The following ADAMTSL3 variants were observed in gnomAD, a reference collection of about 807,000 sequenced individuals.
The protein encoded by ADAMTSL3 is ADAMTS-like protein 3.
ADAMTSL3 carries 128 observed loss-of-function variants against 201.7 expected under a neutral mutation model. The ratio of observed to expected loss-of-function variants is 0.63; its 90% confidence interval spans 0.55 to 0.73. The LOEUF (loss-of-function observed/expected upper bound fraction) is 0.73. ADAMTSL3 is among the 30% of genes least tolerant of loss of function. The probability of loss-of-function intolerance (pLI) is 0.00; values close to 1 mark genes in which losing one functional copy is unlikely to be tolerated. For synonymous variants in ADAMTSL3, 738 were observed against 748.4 expected (o/e 0.99, Z 0.23); for missense variants, 1,990 against 2,119.6 (o/e 0.94, Z 1.20).
chr15:83,806,300 C>T (rs1171934263), intron 5 of ADAMTSL3, among the ~76,000 whole-genome samples: 1 of 152,152 alleles, frequency 6.6e-6, no homozygotes, highest in Non-Finnish European at 1.5e-5. Context: ...CCTGGTGGCC[C>T]TTTCTCTGGC....
At chr15:84,001,710 C>T (rs1250180835) in intron 23 of ADAMTSL3, among the ~76,000 whole-genome samples, 1 of 152,196 alleles carries the variant, frequency 6.6e-6, no homozygotes, top group Non-Finnish European at 1.5e-5. Context: ...GCAACAGGCT[C>T]AACCTCCAGG....
At chr15:83,984,407 T>C (rs980552614) in intron 21 of ADAMTSL3, among the ~76,000 whole-genome samples, 1 of 152,216 alleles carries the variant, frequency 6.6e-6, no homozygotes, top group Non-Finnish European at 1.5e-5. Flanking sequence ...TTAGGCTATA[T>C]CTTAAAAAGG....
chr15:83,942,457 G>A, intron 17 of ADAMTSL3, 139 bp from the exon 18 acceptor site: 1 of 677,714 alleles, frequency 1.5e-6, no homozygotes, highest in Non-Finnish European at 2.4e-6. Flanking sequence ...TATATTGATG[G>A]AGATGCTGTG....
Position 83,820,039 on chromosome 15 carries a change from A to T in ADAMTSL3, c.592A>T (p.Ile198Phe). 6.2e-7 allele frequency: 1 copy of T among 1,613,948 alleles called. No individual in the cohort carries two copies. Among genetic ancestry groups the T allele is most frequent in the Non-Finnish European group, 8.5e-7 (1 of 1,179,834 alleles). Residue 198 changes from isoleucine (I) to phenylalanine (F), a missense_variant, in exon 6 of 30, where the codon ATC becomes TTC. Ile to Phe is a conservative substitution (Grantham distance 21). Transcript: ENST00000286744. ...CTCCTTGGACATGTGTATCAGTGGC[A>T]TCTGTCAGGTAAGCACACTTACCTC... The part of the protein sequence containing the change: ...TDSLDMCISG[I>F]CQAVGCDRQL...
intron 17 of ADAMTSL3, among the ~76,000 whole-genome samples, chr15:83,937,885 A>G (rs569870757): frequency 1.9e-4 from 28 of 151,070 alleles, no homozygotes; most frequent in Non-Finnish European, 3.4e-4. Flanking sequence ...AACTTACTAG[A>G]AAGATGCTAA....
intron 3 of ADAMTSL3, among the ~76,000 whole-genome samples, chr15:83,741,909 G>C (rs925219162): frequency 6.6e-6 from 1 of 152,112 alleles, no homozygotes; most frequent in Non-Finnish European, 1.5e-5. Context: ...GCTGCAGTGA[G>C]CCATGATCAT....
intron 4 of ADAMTSL3, among the ~76,000 whole-genome samples, chr15:83,789,095 G>A (rs898870331): frequency 6.6e-6 from 1 of 152,146 alleles, no homozygotes; most frequent in African/African-American, 2.4e-5. Flanking sequence ...ACAGGCATGA[G>A]CCACCACACC....
At chr15:83,954,594 A>C (rs1175891877) in intron 19 of ADAMTSL3, among the ~76,000 whole-genome samples, 4 of 152,102 alleles carry the variant, frequency 2.6e-5, no homozygotes, top group East Asian at 1.9e-4. Flanking sequence ...GGCATTGAAT[A>C]ATTATGTATT....
intron 3 of ADAMTSL3, among the ~76,000 whole-genome samples, chr15:83,704,974 G>GTA (rs1299391059): frequency 1.3e-5 from 2 of 151,420 alleles, no homozygotes; most frequent in African/African-American, 4.9e-5. Flanking sequence ...GAGTGTGTGT[G>GTA]TGTGTGTGTG....
chr15:83,945,341 C>T (rs547619910), intron 19 of ADAMTSL3, among the ~76,000 whole-genome samples: 80 of 152,268 alleles, frequency 5.3e-4, no homozygotes, highest in African/African-American at 1.9e-3. Flanking sequence ...GGTGAGACCA[C>T]CACCCCAAAG....
chr15:83,708,088 G>A (rs2061878530), intron 3 of ADAMTSL3, among the ~76,000 whole-genome samples: 1 of 152,180 alleles, frequency 6.6e-6, no homozygotes, highest in Non-Finnish European at 1.5e-5. Context: ...GGTGGCATGG[G>A]TACCTACCTG....
chr15:83,963,389 T>A (rs2067010653), intron 19 of ADAMTSL3, among the ~76,000 whole-genome samples: 1 of 152,160 alleles, frequency 6.6e-6, no homozygotes, highest in Non-Finnish European at 1.5e-5. Context: ...ACAAAGCCTC[T>A]GGGAAGTTCA....
At chr15:83,688,221 C>T (rs1265268079) in intron 2 of ADAMTSL3, among the ~76,000 whole-genome samples, 1 of 152,194 alleles carries the variant, frequency 6.6e-6, no homozygotes, top group African/African-American at 2.4e-5. Context: ...GAGACATATA[C>T]TTAATCTGTA....
chr15:83,964,038 A>G (rs1050399597), intron 19 of ADAMTSL3, among the ~76,000 whole-genome samples: 4 of 152,220 alleles, frequency 2.6e-5, no homozygotes, highest in Admixed American at 2.0e-4. Context: ...ATCAAAGACC[A>G]GAGGTAGATA....
chr15:83,862,217 T>G (rs999735397), intron 8 of ADAMTSL3: 2 of 152,298 alleles, frequency 1.3e-5, no homozygotes, highest in African/African-American at 4.8e-5. Context: ...CCAGGTGAAC[T>G]TCCCCAATCT....
chr15:83,858,986 A>G (rs1323383454), intron 8 of ADAMTSL3, 146 bp downstream of exon 8: 1 of 640,618 alleles, frequency 1.6e-6, no homozygotes, highest in Non-Finnish European at 2.7e-6. Context: ...ACTTGCGTCC[A>G]CTTACTTGGC....
intron 8 of ADAMTSL3, 60 bp from the exon 9 acceptor site, chr15:83,870,742 C>A (rs940079275): frequency 2.2e-6 from 3 of 1,391,840 alleles, no homozygotes; most frequent in Admixed American, 4.9e-5. Context: ...GCTAAAATGT[C>A]TTTTGTAATA....
intron 25 of ADAMTSL3, 129 bp from the exon 26 acceptor site, chr15:84,021,281 G>A (rs1209333044): frequency 1.1e-6 from 1 of 923,892 alleles, no homozygotes; most frequent in African/African-American, 1.7e-5. Context: ...TGCACTATGA[G>A]ATGGCTTTCT....
chr15:83,911,411 C>T (rs2065931586), intron 15 of ADAMTSL3, among the ~76,000 whole-genome samples: 1 of 152,122 alleles, frequency 6.6e-6, no homozygotes, highest in Non-Finnish European at 1.5e-5. Flanking sequence ...TCAGTTCATA[C>T]CTAAACCTAT....
Sources: gnomAD v4.1 joint callset for allele counts (sites outside exome capture counted in the v4.1 genomes callset) on GRCh38, gnomAD v4.1.1 for gene constraint, MANE v1.5 for transcripts, NCBI Gene and HGNC (gene_info 2026-07-23, HGNC 2026-07-21) for gene names.